Variants in CTNND1 observed in about 807,000 individuals in gnomAD.
CTNND1 encodes catenin delta 1.
Under a neutral mutation model 112.1 loss-of-function variants are expected in CTNND1, and 16 were observed. The ratio of observed to expected loss-of-function variants is 0.14; its 90% CI spans 0.10 to 0.22. The LOEUF is 0.22. CTNND1 is among the 10% of genes least tolerant of loss of function. The pLI is 1.00. For missense variants in CTNND1, 1,008 were observed against 1,257.0 expected (o/e 0.80, Z 3.00); for synonymous variants, 420 against 446.5 (o/e 0.94, Z 0.75).
intron 1 of CTNND1, among the ~76,000 whole-genome samples, chr11:57,777,955 C>T (rs1373833392): frequency 6.6e-6 from 1 of 152,168 alleles, no homozygotes. Context: ...TATCATTTAT[C>T]TCATTCTTGC....
At chr11:57,796,156 G>A (rs1449065649) in intron 5 of CTNND1, among the ~76,000 whole-genome samples, 1 of 152,110 alleles carries the variant, frequency 6.6e-6, no homozygotes, top group East Asian at 1.9e-4. Flanking sequence ...GGAGGCTGAG[G>A]TGGGCGGATC....
chr11:57,809,143 C>A (rs181381095), intron 14 of CTNND1, 131 bp from the exon 15 acceptor site: 9 of 639,220 alleles, frequency 1.4e-5, no homozygotes, highest in African/African-American at 1.3e-4. Flanking sequence ...ATATGATAAT[C>A]CTATAGGATA....
At chr11:57,797,288 G>C (rs2061442741) in intron 6 of CTNND1, among the ~76,000 whole-genome samples, 1 of 148,400 alleles carries the variant, frequency 6.7e-6, no homozygotes, top group African/African-American at 2.4e-5. Flanking sequence ...TGGAGTACAG[G>C]GGTGCCATCT....
rs373817399 is a variant in CTNND1, at chr11:57,815,426, G to C, written c.2734G>C (p.Asp912His). 1.2e-6 allele frequency: 2 copies of C among 1,609,778 alleles called. No individual in the cohort carries two copies. The highest frequency in any genetic ancestry group is 1.7e-6 in the Non-Finnish European group (2 of 1,178,380). ...NNYSTPNERGDHNRTLDRSGD... is the reference protein window; with the variant it reads ...NNYSTPNERGHHNRTLDRSGD... The stretch of plus-strand genomic sequence containing the variant: ...CTATTCCACACCAAATGAGAGAGGA[G>C]ACCACAATAGAACACTGGATCGATC... Residue 912 changes from aspartate (D) to histidine (H), a missense_variant, in exon 19 of 21, where the codon GAC (aspartate) becomes CAC (histidine). Transcript: ENST00000399050.
intron 12 of CTNND1, among the ~76,000 whole-genome samples, 171 bp downstream of exon 12, chr11:57,807,154 A>T (rs149318432): frequency 1.3e-5 from 2 of 152,370 alleles, no homozygotes. Context: ...TATAGCAGTA[A>T]CTTAAAAAGG....
In CTNND1 at chr11:57,788,666, C is replaced by T. The variant is rs1022545596; in HGVS notation, c.-213-371C>T. On this transcript the variant is annotated intron_variant, in intron 1 of 20. Coordinates refer to ENST00000399050, the MANE Select transcript of CTNND1 (RefSeq NM_001085458.2). This position sits in a 1 kb window ranked among gnomAD's most constrained non-coding sequence, Gnocchi z 4.1. ...TGGGACTGGGCTTTGAGGTTTCTGCCTTAGGGGTGGGAAGGGAGGGGGAAG... is the reference window on the plus strand; with the variant it reads ...TGGGACTGGGCTTTGAGGTTTCTGCTTTAGGGGTGGGAAGGGAGGGGGAAG... 6.7e-5 allele frequency among the ~76,000 whole-genome samples: 10 copies of T among 149,878 alleles called. No individual in the cohort carries two copies. Among genetic ancestry groups the T allele is most frequent in the African/African-American group, 2.4e-4 (10 of 41,002 alleles).
chr11:57,762,116 T>TA lies in CTNND1; in HGVS notation c.-216dup, dbSNP rs1555032305. ...GGATAAGCAAGTCGAATTTTTGTCT[T>TA]ACGGTAACCGGAGGGAATTAAAAAA... On this transcript the variant is annotated 5_prime_UTR_variant, in exon 1 of 21. Coordinates refer to ENST00000399050, the MANE Select transcript of CTNND1 (RefSeq NM_001085458.2). The TA allele has an allele frequency of 4.1e-6, 4 of 985,080 alleles. No homozygotes were observed. The highest frequency in any genetic ancestry group is 9.4e-5 in the South Asian group (2 of 21,290). 61.0% of individuals were successfully genotyped at this position (985,080 alleles called of 1,614,324 possible).
At chr11:57,811,273 A>G (rs969204064) in intron 16 of CTNND1, 126 bp from the exon 17 acceptor site, 2 of 680,718 alleles carry the variant, frequency 2.9e-6, no homozygotes, top group South Asian at 2.0e-5. Flanking sequence ...TATTTATTCA[A>G]CTCTTATAAG....
intron 17 of CTNND1, among the ~76,000 whole-genome samples, chr11:57,813,658 A>G (rs1395768508): frequency 6.6e-6 from 1 of 152,250 alleles, no homozygotes. Flanking sequence ...TGAAAAGACT[A>G]TTAAAATCAT....
chr11:57,807,050 T>A, intron 12 of CTNND1, 67 bp downstream of exon 12: 1 of 1,239,920 alleles, frequency 8.1e-7, no homozygotes. Context: ...TTTAGTAACC[T>A]AACAGCAGAC....
intron 2 of CTNND1, among the ~76,000 whole-genome samples, chr11:57,789,759 C>T (rs528433880): frequency 2.0e-5 from 3 of 152,234 alleles, no homozygotes; most frequent in South Asian, 2.1e-4. Flanking sequence ...GGGCTGCATG[C>T]GTCCCGCGGG....
Position 57,761,901 on chromosome 11 carries a change from A to G in CTNND1, c.-432A>G. 1 of 985,428 alleles carries G rather than the reference A, an allele frequency of 1.0e-6. No individual in the cohort carries two copies. The allele number at this position is 985,428 out of a possible 1,614,324, so 61.0% of individuals were successfully genotyped here. A position where few individuals can be genotyped will look rare whatever the true frequency, so the allele number is the denominator to read the frequency against. ...GGGGAAAAAAAAGAGAGAGGGAGAG[A>G]GAGAGAAAGAAGAGCAGGAAAGATC... On this transcript the variant is annotated 5_prime_UTR_variant, in exon 1 of 21. Coordinates refer to ENST00000399050, the MANE Select transcript of CTNND1 (RefSeq NM_001085458.2).
chr11:57,807,056 C>A, intron 12 of CTNND1, 73 bp downstream of exon 12: 1 of 1,182,156 alleles, frequency 8.5e-7, no homozygotes, highest in Non-Finnish European at 1.2e-6. Flanking sequence ...AACCTAACAG[C>A]AGACTTTATG....
At chr11:57,798,344 CAAAAA>C (rs71061542) in intron 6 of CTNND1, among the ~76,000 whole-genome samples, 1 of 105,726 alleles carries the variant, frequency 9.5e-6, no homozygotes, top group South Asian at 3.1e-4. Flanking sequence ...GAGACTGTCT[CAAAAA>C]AAAAAAAAAA....
intron 6 of CTNND1, among the ~76,000 whole-genome samples, chr11:57,798,866 C>T (rs761137198): frequency 1.8e-4 from 28 of 152,154 alleles, no homozygotes; most frequent in Non-Finnish European, 3.5e-4. Flanking sequence ...TGTACAAAAA[C>T]AGGTTTGGCC....
At chr11:57,772,886 CTT>C (rs891466877) in intron 1 of CTNND1, among the ~76,000 whole-genome samples, 5 of 151,992 alleles carry the variant, frequency 3.3e-5, no homozygotes, top group African/African-American at 1.2e-4. Flanking sequence ...CCTCCTCTCT[CTT>C]TGGAGTTTTT....
intron 10 of CTNND1, 133 bp from the exon 11 acceptor site, chr11:57,806,328 C>A: frequency 1.1e-6 from 1 of 937,946 alleles, no homozygotes. Context: ...ACGTCCTTTG[C>A]ATTTTCTGTG....
In CTNND1 at chr11:57,788,281, G is replaced by A. The variant is rs1209957800; in HGVS notation, c.-213-756G>A. On this transcript the variant is annotated intron_variant, in intron 1 of 20. Transcript: ENST00000399050. The surrounding 1 kb of genome is among the most constrained non-coding windows in gnomAD (Gnocchi z 4.1). ...TTTGAGTGGCCTGTTGGAATGTAGG[G>A]TGGGAATATGAGAAAGTGGCAATGG... Among the ~76,000 whole-genome samples the A allele has an allele frequency of 6.6e-6, 1 of 152,170 alleles. No individual in the cohort carries two copies. Among genetic ancestry groups the A allele is most frequent in the Non-Finnish European group, 1.5e-5 (1 of 68,040 alleles).
Position 57,814,054 on chromosome 11 carries a change from C to T in CTNND1, c.2639-257C>T, listed in dbSNP as rs369390899. 3.1e-3 allele frequency: 1,296 copies of T among 411,538 alleles called. 34 individuals carry two copies. The South Asian group carries it at 0.037, about 12-fold the overall frequency. 25.5% of individuals were successfully genotyped at this position (411,538 alleles called of 1,614,324 possible). ...TAGGGGCCAGGTGTGATGGCTCACACCTGTAATCCCAGTACTTTGGGAGAC... is the reference window on the plus strand; with the variant it reads ...TAGGGGCCAGGTGTGATGGCTCACATCTGTAATCCCAGTACTTTGGGAGAC... On this transcript the variant is annotated intron_variant, in intron 17 of 20. Transcript: ENST00000399050.
Sources: gnomAD v4.1 joint callset for allele counts (sites outside exome capture counted in the v4.1 genomes callset) on GRCh38, gnomAD v4.1.1 for gene constraint, Gnocchi (gnomAD v3.1) non-coding constraint, MANE v1.5 for transcripts, NCBI Gene and HGNC (gene_info 2026-07-23, HGNC 2026-07-21) for gene names.